ADRA1B: variants seen among roughly 807,000 people sequenced by gnomAD.
ADRA1B encodes the protein adrenoceptor alpha 1B, also known as alpha-1B adrenergic receptor.
A neutral mutation model predicts 17.9 loss-of-function variants in ADRA1B; 17 were observed. The ratio of observed to expected loss-of-function variants is 0.95; its 90% CI spans 0.65 to 1.42. ADRA1B has a LOEUF of 1.42. ADRA1B is among the 40% of genes most tolerant of loss of function. The probability of loss-of-function intolerance (pLI) is 0.00; values close to 1 mark genes in which losing one functional copy is unlikely to be tolerated. For missense variants in ADRA1B, 681 were observed against 722.1 expected (o/e 0.94, Z 0.65); for synonymous variants, 366 against 327.6 (o/e 1.12, Z -1.27).
chr5:159,897,392 G>A (rs897444767), intron 1 of ADRA1B, among the ~76,000 whole-genome samples: 3 of 151,958 alleles, frequency 2.0e-5, no homozygotes, highest in Admixed American at 1.3e-4. Context: ...AGGCTGAGGC[G>A]GGAGAATCGC....
At chr5:159,909,220 A>T (rs189847736) in intron 1 of ADRA1B, among the ~76,000 whole-genome samples, 1 of 152,118 alleles carries the variant, frequency 6.6e-6, no homozygotes, top group Admixed American at 6.5e-5. Context: ...GTCATGCCAC[A>T]TGCTATTTCC....
intron 1 of ADRA1B, chr5:159,888,383 G>A (rs1247604122): frequency 6.6e-6 from 1 of 152,070 alleles, no homozygotes; most frequent in Admixed American, 6.6e-5. Flanking sequence ...GAGTTCCCCA[G>A]ATGAAAAGGG....
At chr5:159,936,143 T>G (rs1581047663) in intron 1 of ADRA1B, among the ~76,000 whole-genome samples, 1 of 152,344 alleles carries the variant, frequency 6.6e-6, no homozygotes, top group East Asian at 1.9e-4. Context: ...GAGACATTTT[T>G]TATTGTCACA....
intron 1 of ADRA1B, among the ~76,000 whole-genome samples, chr5:159,909,714 C>T (rs1754206751): frequency 1.3e-5 from 2 of 152,172 alleles, no homozygotes; most frequent in Non-Finnish European, 2.9e-5. Context: ...AAGTTCTGTT[C>T]CATAATAAAT....
At chr5:159,986,296 T>G in the ADRA1B span, among the ~76,000 whole-genome samples, 1 of 152,214 alleles carries the variant, frequency 6.6e-6, no homozygotes, top group Non-Finnish European at 1.5e-5. Flanking sequence ...CCCCACTATG[T>G]TGCCTAGGCA....
chr5:159,875,589 GA>G (rs1753792696), intron 1 of ADRA1B, among the ~76,000 whole-genome samples: 1 of 152,142 alleles, frequency 6.6e-6, no homozygotes, highest in South Asian at 2.1e-4. Context: ...AGTTTCTCCT[GA>G]AAAATAAAAA....
chr5:159,957,351 C>T (rs1420099987), intron 1 of ADRA1B, among the ~76,000 whole-genome samples: 2 of 151,110 alleles, frequency 1.3e-5, no homozygotes, highest in Non-Finnish European at 2.9e-5. Flanking sequence ...CAAAAAAATA[C>T]AAAAATTAGC....
chr5:159,881,498 T>G (rs557374505), intron 1 of ADRA1B, among the ~76,000 whole-genome samples: 1 of 152,266 alleles, frequency 6.6e-6, no homozygotes, highest in Non-Finnish European at 1.5e-5. Context: ...CCCTCACAGC[T>G]TCATGTCTGT....
intron 1 of ADRA1B, among the ~76,000 whole-genome samples, chr5:159,927,465 T>A (rs369526380): frequency 1.2e-4 from 18 of 151,464 alleles, no homozygotes; most frequent in African/African-American, 3.9e-4. Context: ...AATATTCTGA[T>A]TCTTTCCATG....
chr5:159,981,365 G>C, the ADRA1B span, among the ~76,000 whole-genome samples: 1 of 152,052 alleles, frequency 6.6e-6, no homozygotes, highest in Non-Finnish European at 1.5e-5. Context: ...TGCCTCCCGG[G>C]GGGTAAAATA....
In ADRA1B at chr5:159,955,465, A is replaced by C. The variant is rs1561607435; in HGVS notation, c.950-16414A>C. On this transcript the variant is annotated intron_variant, in intron 1 of 1. Coordinates refer to ENST00000306675, the MANE Select transcript of ADRA1B (RefSeq NM_000679.4). ...AACAGCTGCTGAGAGGAGAGATGAAAGGGACTGCATGGAGCCTAATGGTCT... is the reference window on the plus strand; with the variant it reads ...AACAGCTGCTGAGAGGAGAGATGAACGGGACTGCATGGAGCCTAATGGTCT... 3.3e-5 allele frequency among the ~76,000 whole-genome samples: 5 copies of C among 152,194 alleles called. 1 individual carries two copies. The South Asian group carries it at 1.0e-3, about 32-fold the overall frequency.
intron 1 of ADRA1B, among the ~76,000 whole-genome samples, chr5:159,965,926 C>G (rs1302042447): frequency 1.3e-5 from 2 of 152,084 alleles, no homozygotes; most frequent in Non-Finnish European, 2.9e-5. Context: ...TGGGTTCAAG[C>G]GAGCATTTTG....
rs1321029323 is a variant in ADRA1B, at chr5:159,955,860, CTTCTAGCTCTT to C, written c.950-16015_950-16005del. On this transcript the variant is annotated intron_variant, in intron 1 of 1. Transcript: ENST00000306675. ...TGAAGGTCTACCAGCTACTAGCCCT[CTTCTAGCTCTT>C]TTCCCATCCCTATATTTTTGACCTT... is the stretch of plus-strand genomic sequence containing the variant. 9.8e-5 allele frequency among the ~76,000 whole-genome samples: 15 copies of C among 152,296 alleles called. No homozygotes were observed. In the South Asian group the frequency reaches 1.0e-3, roughly 11 times the overall value.
At chr5:159,883,123 A>G (rs576757226) in intron 1 of ADRA1B, among the ~76,000 whole-genome samples, 3 of 152,294 alleles carry the variant, frequency 2.0e-5, no homozygotes, top group South Asian at 2.1e-4. Context: ...TTGTCACTCA[A>G]GCAAGCTCTC....
At chr5:159,986,021 T>C in the ADRA1B span, among the ~76,000 whole-genome samples, 1 of 152,180 alleles carries the variant, frequency 6.6e-6, no homozygotes, top group Non-Finnish European at 1.5e-5. Flanking sequence ...AAGAAGGTGG[T>C]GGGAAGAAAG....
chr5:159,898,410 T>C (rs2113114944), intron 1 of ADRA1B, among the ~76,000 whole-genome samples: 1 of 152,274 alleles, frequency 6.6e-6, no homozygotes, highest in South Asian at 2.1e-4. Context: ...GTGGGGTGTG[T>C]GTGTGTGTTT....
At chr5:159,970,850 GC>G in intron 1 of ADRA1B, among the ~76,000 whole-genome samples, 1 of 152,330 alleles carries the variant, frequency 6.6e-6, no homozygotes, top group Middle Eastern at 3.4e-3. Flanking sequence ...TGACACCCAG[GC>G]TGGAGTGCAG....
At chr5:159,923,024 G>C (rs1048820649) in intron 1 of ADRA1B, among the ~76,000 whole-genome samples, 14 of 152,272 alleles carry the variant, frequency 9.2e-5, no homozygotes, top group African/African-American at 3.1e-4. Flanking sequence ...CAACGGTTTG[G>C]AGAAGCTAAT....
chr5:159,894,715 A>G (rs1754023521), intron 1 of ADRA1B, among the ~76,000 whole-genome samples: 1 of 152,224 alleles, frequency 6.6e-6, no homozygotes, highest in South Asian at 2.1e-4. Flanking sequence ...TGAGGTAGGG[A>G]TAGAGCAACA....
Sources: allele counts gnomAD v4.1 joint callset (sites outside exome capture counted in the v4.1 genomes callset), GRCh38; gene constraint gnomAD v4.1.1; transcripts MANE v1.5; gene names NCBI Gene and HGNC (gene_info 2026-07-23, HGNC 2026-07-21).